The following PRELID2 variants were observed in gnomAD, a reference collection of about 807,000 sequenced individuals.
PRELID2 encodes the protein PRELI domain-containing protein 2.
A neutral mutation model predicts 28.4 loss-of-function variants in PRELID2; 25 were observed. The observed-to-expected ratio is 0.88, with a 90% confidence interval of 0.64 to 1.23. The LOEUF is 1.23. Among genes scored for constraint, PRELID2 ranks in the 50% most tolerant of loss-of-function variants. The pLI is 0.00. For synonymous variants in PRELID2, 76 were observed against 71.6 expected, an observed-to-expected ratio of 1.06 and a Z score of -0.31; for missense variants, 201 against 214.4, an observed-to-expected ratio of 0.94 and a Z score of 0.39.
the PRELID2 span, among the ~76,000 whole-genome samples, chr5:145,412,974 G>A: frequency 6.6e-6 from 1 of 152,014 alleles, no homozygotes; most frequent in African/African-American, 2.4e-5. Flanking sequence ...ACCGCATGGG[G>A]GAAACCACCT....
rs150446432 is a variant in PRELID2, at chr5:145,701,988, T to C, written n.70+62943A>G. Among the ~76,000 whole-genome samples, 118 of 151,804 alleles carry C rather than the reference T, an allele frequency of 7.8e-4. 2 individuals are homozygous for C. The East Asian group carries it at 0.019, about 24-fold the overall frequency. The stretch of plus-strand genomic sequence containing the variant: ...AATGCTTAAACCTGGGAGGTGGAGG[T>C]TGTGGTGAGCTGAGATCATGCCATT... On this transcript the variant is annotated intron_variant and non_coding_transcript_variant, in intron 1 of 2. Coordinates refer to the PRELID2 transcript ENST00000510259.
chr5:145,495,474 T>C (rs912587839), intron 1 of PRELID2, among the ~76,000 whole-genome samples: 1 of 152,212 alleles, frequency 6.6e-6, no homozygotes, highest in African/African-American at 2.4e-5. Context: ...CATCTTGGCA[T>C]TAAATAACCT....
intron 1 of PRELID2, among the ~76,000 whole-genome samples, chr5:145,486,346 C>T (rs902398962): frequency 2.6e-5 from 4 of 152,196 alleles, no homozygotes; most frequent in African/African-American, 4.8e-5. Context: ...TTGTTCATCA[C>T]GTTATCCCCA....
chr5:145,714,413 T>C (rs1755787535), intron 1 of PRELID2, among the ~76,000 whole-genome samples: 1 of 152,094 alleles, frequency 6.6e-6, no homozygotes, highest in Non-Finnish European at 1.5e-5. Flanking sequence ...GTAACTTCCC[T>C]GAAGTATCTT....
chr5:145,583,561 GCTT>G (rs1397648371), intron 1 of PRELID2, among the ~76,000 whole-genome samples: 1 of 152,062 alleles, frequency 6.6e-6, no homozygotes, highest in Non-Finnish European at 1.5e-5. Flanking sequence ...CAGCCCAAAA[GCTT>G]CTTAAGCAGA....
the PRELID2 span, among the ~76,000 whole-genome samples, chr5:145,402,972 A>T: frequency 6.6e-6 from 1 of 152,204 alleles, no homozygotes; most frequent in African/African-American, 2.4e-5. Context: ...TCCAAAGACC[A>T]ACTCCTCAGT....
At chr5:145,503,691 T>C (rs1752380342) in intron 1 of PRELID2, among the ~76,000 whole-genome samples, 1 of 152,180 alleles carries the variant, frequency 6.6e-6, no homozygotes, top group Admixed American at 6.5e-5. Context: ...GTTTCCATGA[T>C]CAAATCAAAT....
chr5:145,385,843 C>T, the PRELID2 span, among the ~76,000 whole-genome samples: 1 of 152,032 alleles, frequency 6.6e-6, no homozygotes, highest in Non-Finnish European at 1.5e-5. Context: ...TTTCCAGTAC[C>T]TTAACAAACT....
chr5:145,525,876 A>G lies in PRELID2; in HGVS notation n.71-52561T>C, dbSNP rs778899362. ...CTTGAGGCCAAACAATGAAGGCCAAACTCCGAAAAAAAGCAGACTCTGCAG... is the reference window on the plus strand; with the variant it reads ...CTTGAGGCCAAACAATGAAGGCCAAGCTCCGAAAAAAAGCAGACTCTGCAG... On this transcript the variant is annotated intron_variant and non_coding_transcript_variant, in intron 1 of 2. Coordinates refer to the PRELID2 transcript ENST00000510259. Among the ~76,000 whole-genome samples the G allele has an allele frequency of 5.9e-5, 9 of 152,182 alleles. No homozygotes were observed. The South Asian group carries it at 1.2e-3, about 21-fold the overall frequency.
chr5:145,350,185 C>T, the PRELID2 span, among the ~76,000 whole-genome samples: 1 of 152,168 alleles, frequency 6.6e-6, no homozygotes, highest in African/African-American at 2.4e-5. Flanking sequence ...AGCCTGATGA[C>T]TCCTTAGCAT....
At chr5:145,469,353 G>A (rs1445901034), downstream of PRELID2, among the ~76,000 whole-genome samples, 2 of 152,098 alleles carry the variant, frequency 1.3e-5, no homozygotes, top group Non-Finnish European at 2.9e-5. Flanking sequence ...TTTGAGGCGT[G>A]TCAAAAGTAA....
At chr5:145,563,182 C>A (rs1271616862) in intron 1 of PRELID2, among the ~76,000 whole-genome samples, 1 of 152,198 alleles carries the variant, frequency 6.6e-6, no homozygotes, top group Non-Finnish European at 1.5e-5. Context: ...AATTCTGGAA[C>A]TTTTGATATC....
chr5:145,366,658 G>T, the PRELID2 span, among the ~76,000 whole-genome samples: 3 of 151,626 alleles, frequency 2.0e-5, no homozygotes, highest in African/African-American at 4.8e-5. Flanking sequence ...GAAATACTTT[G>T]ACTATTTCTG....
the PRELID2 span, among the ~76,000 whole-genome samples, chr5:145,276,732 G>A: frequency 3.3e-5 from 5 of 152,064 alleles, no homozygotes; most frequent in African/African-American, 9.7e-5. Context: ...ATATCTGACA[G>A]TATGGTTGCA....
In PRELID2 at chr5:145,758,923, A is replaced by G. The variant is rs983010881; in HGVS notation, c.*1613T>C. ...AATACAATTGCTTTGAAATTCATCA[A>G]TGGATTAAGTGGAAAAATTTTCAGA... On this transcript the variant is annotated 3_prime_UTR_variant, in exon 7 of 7. Coordinates refer to ENST00000683046, the MANE Select transcript of PRELID2 (RefSeq NM_205846.3). 1 of 151,868 alleles carries G rather than the reference A, an allele frequency of 6.6e-6. No individual in the cohort carries two copies. Among genetic ancestry groups the G allele is most frequent in the Non-Finnish European group, 1.5e-5 (1 of 67,982 alleles). The allele number at this position is 151,868 out of a possible 1,614,324, so 9.4% of individuals were successfully genotyped here.
At chr5:145,289,343 A>G in the PRELID2 span, among the ~76,000 whole-genome samples, 1 of 152,148 alleles carries the variant, frequency 6.6e-6, no homozygotes, top group Non-Finnish European at 1.5e-5. Flanking sequence ...ATATAAATTG[A>G]ATAATACAGT....
At chr5:145,295,965 A>G in the PRELID2 span, among the ~76,000 whole-genome samples, 289 of 152,272 alleles carry the variant, frequency 1.9e-3, 4 homozygotes, top group African/African-American at 6.6e-3. Context: ...CTTGGAAAAG[A>G]AATATAAGAA....
chr5:145,605,696 C>G (rs1403777812), intron 1 of PRELID2, among the ~76,000 whole-genome samples: 1 of 151,534 alleles, frequency 6.6e-6, no homozygotes, highest in African/African-American at 2.4e-5. Context: ...ATACTTTTTT[C>G]TAATTAGTTG....
intron 1 of PRELID2, among the ~76,000 whole-genome samples, chr5:145,563,856 G>A (rs1752943665): frequency 6.6e-6 from 1 of 152,186 alleles, no homozygotes; most frequent in African/African-American, 2.4e-5. Flanking sequence ...TTAATGTACA[G>A]CATGAGTGCT....
Sources: allele counts gnomAD v4.1 joint callset (sites outside exome capture counted in the v4.1 genomes callset), GRCh38; gene constraint gnomAD v4.1.1; transcripts MANE v1.5; gene names NCBI Gene and HGNC (gene_info 2026-07-23, HGNC 2026-07-21).